Variants in NFXL1 observed in about 807,000 individuals in gnomAD.
NFXL1 encodes the protein nuclear transcription factor, X-box binding like 1, also known as NF-X1-type zinc finger protein NFXL1.
NFXL1 carries 66 observed loss-of-function variants against 123.3 expected under a neutral mutation model. The observed-to-expected ratio is 0.54, with a 90% CI of 0.44 to 0.66. The LOEUF (loss-of-function observed/expected upper bound fraction) is 0.66. NFXL1 is among the 30% of genes least tolerant of loss of function. NFXL1 has a pLI of 0.00. For synonymous variants in NFXL1, 346 were observed against 360.8 expected, an observed-to-expected ratio of 0.96 and a Z score of 0.46; for missense variants, 944 against 1,125.6, an observed-to-expected ratio of 0.84 and a Z score of 2.31.
At chr4:47,880,968 G>A (rs916021333) in intron 15 of NFXL1, among the ~76,000 whole-genome samples, 1 of 151,900 alleles carries the variant, frequency 6.6e-6, no homozygotes, top group Non-Finnish European at 1.5e-5. Context: ...GGGAGGAGGG[G>A]ATAAGAGAGA....
intron 9 of NFXL1, among the ~76,000 whole-genome samples, chr4:47,897,269 A>G (rs1474338263): frequency 6.6e-6 from 1 of 152,164 alleles, no homozygotes; most frequent in East Asian, 1.9e-4. Flanking sequence ...CTAGGATCAC[A>G]CCACTGCACT....
At chr4:47,848,427 T>A in intron 22 of NFXL1, 91 bp from the exon 23 acceptor site, 1 of 946,872 alleles carries the variant, frequency 1.1e-6, no homozygotes, top group Non-Finnish European at 1.6e-6. Flanking sequence ...GGGTAATGTT[T>A]TAATAGTAAT....
rs978609148 is a variant in NFXL1, at chr4:47,914,319, T to C, written c.-3+46A>G. 2.6e-5 allele frequency: 22 copies of C among 846,448 alleles called. No individual in the cohort carries two copies. In the African/African-American group the frequency reaches 3.4e-4, roughly 13 times the overall value. The allele number at this position is 846,448 out of a possible 1,614,324, so 52.4% of individuals were successfully genotyped here. On this transcript the variant is annotated intron_variant, in intron 1 of 22. Coordinates refer to ENST00000507489, the MANE Select transcript of NFXL1 (RefSeq NM_001278624.2). ...TGAGGGGCCGAGTGAGGAAGGTTCCTGCAGGGCGGCGACCGGGTTTTAGGA... is the reference window on the plus strand; with the variant it reads ...TGAGGGGCCGAGTGAGGAAGGTTCCCGCAGGGCGGCGACCGGGTTTTAGGA...
In NFXL1 at chr4:47,914,517, G is replaced by A. The variant is rs1738017704; in HGVS notation, c.-155C>T. 3 of 310,722 alleles carry A rather than the reference G, an allele frequency of 9.7e-6. No homozygotes were observed. The highest frequency in any genetic ancestry group is 1.8e-5 in the Non-Finnish European group (3 of 167,300). The allele number at this position is 310,722 out of a possible 1,614,324, so 19.2% of individuals were successfully genotyped here. A position where few individuals can be genotyped will look rare whatever the true frequency, so the allele number is the denominator to read the frequency against. The stretch of plus-strand genomic sequence containing the variant: ...TCGAAACCGCCTCCTCAGCCTCTGC[G>A]GGAGCGTGGTAGGGGAAGAGTCACA... On this transcript the variant is annotated 5_prime_UTR_variant, in exon 1 of 23. Coordinates refer to ENST00000507489, the MANE Select transcript of NFXL1 (RefSeq NM_001278624.2).
At chr4:47,898,725 A>G (rs2110099113) in intron 8 of NFXL1, 32 bp downstream of exon 8, 1,563 of 1,003,658 alleles carry the variant, frequency 1.6e-3, no homozygotes, top group Non-Finnish European at 2.3e-3. Flanking sequence ...GTACTCTTTA[A>G]TACCCACCCC....
At position 47,913,870 on chromosome 4, in the gene NFXL1, AAAAGCAGTGAAAG is replaced by A. The variant is rs1737968048; in HGVS notation, c.235+86_235+98del. 3 of 766,386 alleles carry A rather than the reference AAAAGCAGTGAAAG, an allele frequency of 3.9e-6. No individual in the cohort carries two copies. The South Asian group carries it at 6.7e-5, about 17-fold the overall frequency. 47.5% of individuals were successfully genotyped at this position (766,386 alleles called of 1,614,324 possible). On this transcript the variant is annotated intron_variant, in intron 2 of 22. Coordinates refer to ENST00000507489, the MANE Select transcript of NFXL1 (RefSeq NM_001278624.2). ...CGATAACAAACTCCCGAACGAGGGG[AAAAGCAGTGAAAG>A]AAAGAAGGCGAGGGCGGAGGCGGTC...
intron 2 of NFXL1, among the ~76,000 whole-genome samples, chr4:47,913,483 G>A (rs779768345): frequency 2.0e-5 from 3 of 152,182 alleles, no homozygotes; most frequent in Non-Finnish European, 4.4e-5. Flanking sequence ...AGAAATGAGA[G>A]AGAATGTGAG....
intron 21 of NFXL1, 142 bp from the exon 22 acceptor site, chr4:47,851,290 C>A: frequency 1.6e-6 from 1 of 641,780 alleles, no homozygotes; most frequent in Non-Finnish European, 2.7e-6. Context: ...AAATGCTATA[C>A]TGAGACAAGG....
intron 17 of NFXL1, among the ~76,000 whole-genome samples, chr4:47,876,640 T>C (rs1023639063): frequency 6.6e-6 from 1 of 152,126 alleles, no homozygotes; most frequent in African/African-American, 2.4e-5. Flanking sequence ...CCAAAGGATA[T>C]GGAGCAGAAA....
chr4:47,914,430 TAC>T lies in NFXL1; in HGVS notation c.-70_-69del. On this transcript the variant is annotated 5_prime_UTR_variant, in exon 1 of 23. Transcript: ENST00000507489. Reference sequence around the variant, plus strand: ...ACCGAAGAGGGGAGGGAGGACTAGGTACAGAAATAAACCGCGGAGCAAGAAGC... The same window carrying T: ...ACCGAAGAGGGGAGGGAGGACTAGGTAGAAATAAACCGCGGAGCAAGAAGC... 2.1e-6 allele frequency: 1 copy of T among 487,666 alleles called. No homozygotes were observed. The highest frequency in any genetic ancestry group is 3.6e-6 in the Non-Finnish European group (1 of 274,044). The allele number at this position is 487,666 out of a possible 1,614,324, so 30.2% of individuals were successfully genotyped here. A position where few individuals can be genotyped will look rare whatever the true frequency, so the allele number is the denominator to read the frequency against.
intron 9 of NFXL1, 74 bp downstream of exon 9, chr4:47,897,893 G>T: frequency 1.1e-6 from 1 of 899,764 alleles, no homozygotes; most frequent in Non-Finnish European, 1.7e-6. Flanking sequence ...GTTTCCTGGA[G>T]GACGTCTTTT....
At chr4:47,865,169 G>A (rs530116585) in intron 18 of NFXL1, among the ~76,000 whole-genome samples, 128 of 152,312 alleles carry the variant, frequency 8.4e-4, no homozygotes, top group African/African-American at 3.0e-3. Context: ...TGTGTTTTAA[G>A]AGCAGAGGAA....
At chr4:47,901,747 A>C (rs898221604) in intron 5 of NFXL1, among the ~76,000 whole-genome samples, 4 of 152,232 alleles carry the variant, frequency 2.6e-5, no homozygotes, top group African/African-American at 9.7e-5. Context: ...ACTACTTAAG[A>C]GTGAGGAGTC....
intron 18 of NFXL1, among the ~76,000 whole-genome samples, chr4:47,867,603 C>T (rs1735178931): frequency 6.6e-6 from 1 of 151,490 alleles, no homozygotes; most frequent in Admixed American, 6.6e-5. Context: ...AATTATTAAC[C>T]CTGAGTCGTA....
At chr4:47,899,647 T>C in intron 5 of NFXL1, 99 bp from the exon 6 acceptor site, 1 of 720,226 alleles carries the variant, frequency 1.4e-6, no homozygotes. Flanking sequence ...TAAATTAGTT[T>C]TATGTTAAGG....
Position 47,855,074 on chromosome 4 carries a change from A to T in NFXL1, c.2406T>A (p.Cys802Ter). 1 of 1,462,894 alleles carries T rather than the reference A, an allele frequency of 6.8e-7. No homozygotes were observed. 90.6% of individuals were successfully genotyped at this position (1,462,894 alleles called of 1,614,324 possible). Residue 802 changes from cysteine (C) to a stop codon, truncating the protein, a stop_gained, in exon 20 of 23, where the codon TGT (cysteine) becomes TGA (stop). Coordinates refer to ENST00000507489, the MANE Select transcript of NFXL1 (RefSeq NM_001278624.2). LOFTEE classifies it high-confidence loss of function. ...AAATATTTACCTTTTTTATTCTTTT[A>T]CAAGGACATCTAAGTTTTACCTTCT... ...CNQKVKLRCP[C>*]KRIKKELQCN...
intron 19 of NFXL1, among the ~76,000 whole-genome samples, chr4:47,862,479 C>T (rs1734824499): frequency 6.6e-6 from 1 of 152,070 alleles, no homozygotes. Flanking sequence ...ACACACGCAC[C>T]CCTATTTTTA....
At chr4:47,869,652 G>A (rs1735310465) in intron 18 of NFXL1, among the ~76,000 whole-genome samples, 1 of 151,876 alleles carries the variant, frequency 6.6e-6, no homozygotes, top group Admixed American at 6.6e-5. Flanking sequence ...AAAAATGAAA[G>A]CATGAAAATA....
chr4:47,893,929 G>A (rs200860062), intron 11 of NFXL1, among the ~76,000 whole-genome samples: 6 of 100,280 alleles, frequency 6.0e-5, no homozygotes, highest in Admixed American at 2.1e-4. Flanking sequence ...CAGAAATAGT[G>A]ATCAGAAATA....
Sources: gnomAD v4.1 joint callset for allele counts (sites outside exome capture counted in the v4.1 genomes callset) on GRCh38, gnomAD v4.1.1 for gene constraint, MANE v1.5 for transcripts, NCBI Gene and HGNC (gene_info 2026-07-23, HGNC 2026-07-21) for gene names.